NPHP4: variants seen among roughly 807,000 people sequenced by gnomAD.
NPHP4 encodes nephrocystin-4.
In NPHP4, 151 loss-of-function variants were observed where a neutral mutation model predicts 155.8. That is an observed-to-expected ratio of 0.97 (90% CI 0.85 to 1.11). NPHP4 has a LOEUF of 1.11. Ranked by LOEUF, NPHP4 falls within the 50% of genes least tolerant of loss-of-function variation. The pLI, the probability that NPHP4 is intolerant of heterozygous loss-of-function variation, is 0.00. For synonymous variants in NPHP4, 845 were observed against 816.8 expected (o/e 1.03, Z -0.59); for missense variants, 1,956 against 1,925.7 (o/e 1.02, Z -0.29).
chr1:5,979,719 T>G (rs1478329715), intron 2 of NPHP4, among the ~76,000 whole-genome samples: 1 of 152,014 alleles, frequency 6.6e-6, no homozygotes, highest in Non-Finnish European at 1.5e-5. Context: ...GAGTGGGTTT[T>G]GCCAGGCTGG....
chr1:5,940,584 T>C (rs1646768349), intron 9 of NPHP4, among the ~76,000 whole-genome samples: 1 of 152,164 alleles, frequency 6.6e-6, no homozygotes, highest in Non-Finnish European at 1.5e-5. Flanking sequence ...TAATAAGAGC[T>C]ACATAAAATG....
chr1:5,865,603 A>G, intron 26 of NPHP4: 1 of 251,552 alleles, frequency 4.0e-6, no homozygotes, highest in Non-Finnish European at 7.7e-6. Context: ...CATCCTGGAC[A>G]AGTGTCCACC....
chr1:5,965,358 A>C (rs1651289823), intron 5 of NPHP4, among the ~76,000 whole-genome samples: 1 of 152,172 alleles, frequency 6.6e-6, no homozygotes, highest in East Asian at 1.9e-4. Flanking sequence ...GCCTCCACTC[A>C]GGGCCAACAG....
chr1:5,909,099 GC>G, intron 12 of NPHP4, 52 bp downstream of exon 12: 1 of 1,399,634 alleles, frequency 7.1e-7, no homozygotes, highest in Non-Finnish European at 9.9e-7. Context: ...GGGTTTTCTT[GC>G]AAGTAATTGA....
At chr1:5,961,396 G>A (rs1570651632) in intron 6 of NPHP4, among the ~76,000 whole-genome samples, 1 of 152,116 alleles carries the variant, frequency 6.6e-6, no homozygotes, top group Non-Finnish European at 1.5e-5. Flanking sequence ...GGGCTAAGAC[G>A]GTCAATTTTA....
At chr1:5,898,082 T>C (rs1260919413) in intron 16 of NPHP4, among the ~76,000 whole-genome samples, 1 of 152,140 alleles carries the variant, frequency 6.6e-6, no homozygotes, top group Non-Finnish European at 1.5e-5. Context: ...GAGATGCCTC[T>C]CGGCTGGGAC....
At chr1:5,978,230 C>G in intron 3 of NPHP4, 40 bp downstream of exon 3, 1 of 1,579,318 alleles carries the variant, frequency 6.3e-7, no homozygotes, top group Non-Finnish European at 8.6e-7. Context: ...CACACACCCT[C>G]CGCCTTGGAG....
chr1:5,869,178 AATGCACACATAC>A (rs1396488111), intron 23 of NPHP4, among the ~76,000 whole-genome samples: 1 of 142,890 alleles, frequency 7.0e-6, no homozygotes, highest in Admixed American at 7.0e-5. Flanking sequence ...ACATGCACAC[AATGCACACATAC>A]ATGCACACAT....
At chr1:5,964,297 T>C (rs1331883260) in intron 5 of NPHP4, among the ~76,000 whole-genome samples, 3 of 152,176 alleles carry the variant, frequency 2.0e-5, no homozygotes, top group Non-Finnish European at 4.4e-5. Context: ...TTTTTCTCAC[T>C]GTTTTCCTTC....
At chr1:5,923,208 GC>G (rs1270125261) in intron 11 of NPHP4, among the ~76,000 whole-genome samples, 2 of 152,176 alleles carry the variant, frequency 1.3e-5, no homozygotes, top group South Asian at 4.1e-4. Context: ...GATTTCAGCA[GC>G]CAAGAGACTA....
rs1464902464 is a variant in NPHP4, at chr1:5,890,507, C to T, written c.2304+361G>A. On this transcript the variant is annotated intron_variant, in intron 17 of 29. Coordinates refer to ENST00000378156, the MANE Select transcript of NPHP4 (RefSeq NM_015102.5). The surrounding 1 kb of genome is among the most constrained non-coding windows in gnomAD (Gnocchi z 4.9). ...TCACACTGCACACCCCAGTCATTCG[C>T]GTATCCATTCATTCATCCTCAACCC... Among the ~76,000 whole-genome samples, 1 of 152,140 alleles carries T rather than the reference C, an allele frequency of 6.6e-6. No individual in the cohort carries two copies. The highest frequency in any genetic ancestry group is 1.5e-5 in the Non-Finnish European group (1 of 68,024).
At chr1:5,864,060 C>T (rs892682584) in intron 28 of NPHP4, 27 bp from the exon 29 acceptor site, 17 of 1,608,966 alleles carry the variant, frequency 1.1e-5, no homozygotes, top group Middle Eastern at 3.6e-4. Context: ...CAGGGAGACG[C>T]TGCGGCCACT....
chr1:5,880,255 C>G lies in NPHP4; in HGVS notation c.2486-16G>C. ...CACGGGTGACCTACATGAAAAACAT[C>G]CCAACATAAGACATGAACCCCAAAT... On this transcript the variant is annotated splice_polypyrimidine_tract_variant and intron_variant, in intron 18 of 29. Coordinates refer to ENST00000378156, the MANE Select transcript of NPHP4 (RefSeq NM_015102.5). 2 of 1,612,822 alleles carry G rather than the reference C, an allele frequency of 1.2e-6. No homozygotes were observed. The highest frequency in any genetic ancestry group is 1.7e-6 in the Non-Finnish European group (2 of 1,179,288).
intron 16 of NPHP4, among the ~76,000 whole-genome samples, chr1:5,903,926 C>T (rs952336115): frequency 2.0e-5 from 3 of 152,182 alleles, no homozygotes; most frequent in Non-Finnish European, 4.4e-5. Context: ...GTGGCGCAAA[C>T]GTCACCTGCT....
At chr1:5,964,989 A>G (rs1311310664) in intron 5 of NPHP4, among the ~76,000 whole-genome samples, 2 of 120,536 alleles carry the variant, frequency 1.7e-5, no homozygotes, top group African/African-American at 3.3e-5. Context: ...GCTGGAGTGC[A>G]GTGGTGCAAT....
rs1640838107 is a variant in NPHP4 at position 5,863,397 on chromosome 1, AC to A, written c.4148del (p.Gly1383ValfsTer23). The stretch of plus-strand genomic sequence containing the variant: ...GCAAGCCGATGGTGTAGGTCTCTCC[AC>A]CCCCGACCTGGAAATAAGCATCCAA... ...RFREDSFQVG[G>X]GETYTIGLQF... On this transcript the variant is annotated frameshift_variant, in exon 30 of 30. Transcript: ENST00000378156. LOFTEE classifies it high-confidence loss of function. 5.0e-6 allele frequency: 8 copies of A among 1,595,234 alleles called. No individual in the cohort carries two copies. The highest frequency in any genetic ancestry group is 1.4e-5 in the African/African-American group (1 of 73,260).
In NPHP4 at chr1:5,866,454, G is replaced by A. The variant is rs934832022; in HGVS notation, c.3563C>T (p.Pro1188Leu). 14 of 1,587,862 alleles carry A rather than the reference G, an allele frequency of 8.8e-6. No homozygotes were observed. The highest frequency in any genetic ancestry group is 1.2e-5 in the Non-Finnish European group (14 of 1,163,836). ...NVICETQNVG[P>L]GEPRDIFLKV... Reference sequence around the variant, plus strand: ...CAGAAATATGTCCCGTGGTTCCCCGGGGCCCTGCCAACCAGATGTGCAGCA... The same window carrying A: ...CAGAAATATGTCCCGTGGTTCCCCGAGGCCCTGCCAACCAGATGTGCAGCA... Residue 1188 changes from proline (P) to leucine (L), a missense_variant, in exon 26 of 30, where the codon CCC (proline) becomes CTC (leucine). Coordinates refer to ENST00000378156, the MANE Select transcript of NPHP4 (RefSeq NM_015102.5).
chr1:5,982,920 T>C (rs1479454144), intron 2 of NPHP4, among the ~76,000 whole-genome samples: 1 of 152,224 alleles, frequency 6.6e-6, no homozygotes, highest in African/African-American at 2.4e-5. Context: ...TATTGGGACA[T>C]TTTAATGGCC....
At chr1:5,920,403 G>A (rs1450682996) in intron 11 of NPHP4, among the ~76,000 whole-genome samples, 2 of 152,204 alleles carry the variant, frequency 1.3e-5, no homozygotes, top group Non-Finnish European at 2.9e-5. Context: ...GGGGTCCAGA[G>A]GAGCTCCGTA....
Sources: allele counts gnomAD v4.1 joint callset (sites outside exome capture counted in the v4.1 genomes callset), GRCh38; gene constraint gnomAD v4.1.1; non-coding constraint Gnocchi (gnomAD v3.1); transcripts MANE v1.5; gene names NCBI Gene and HGNC (gene_info 2026-07-23, HGNC 2026-07-21).